The following PIGB variants were observed in gnomAD, a reference collection of about 807,000 sequenced individuals.
PIGB encodes the protein phosphatidylinositol glycan anchor biosynthesis class B.
Under a neutral mutation model 68.4 loss-of-function variants are expected in PIGB, and 58 were observed. The ratio of observed to expected loss-of-function variants is 0.85; its 90% CI spans 0.69 to 1.06. The LOEUF (loss-of-function observed/expected upper bound fraction) is 1.06, where lower values mean the gene tolerates loss of function less well. PIGB is among the 50% of genes least tolerant of loss of function. The pLI, the probability that PIGB is intolerant of heterozygous loss-of-function variation, is 0.00. For synonymous variants in PIGB, 219 were observed against 220.5 expected (o/e 0.99, Z 0.06); for missense variants, 634 against 655.8 (o/e 0.97, Z 0.36).
chr15:55,334,001 C>G lies in PIGB; in HGVS notation c.788C>G (p.Pro263Arg), dbSNP rs75294770. ...GATCTTATTCTACATCATTTTTTAC[C>G]TGTAGGGTAAGTGTGGCAATAATCC... ...KLDLILHHFL[P>R]VGFVTLSLSL... Residue 263 changes from proline to arginine, a missense_variant, in exon 6 of 12, where the codon CCT becomes CGT. Physicochemically the swap from Pro to Arg is moderately radical, Grantham distance 103 (BLOSUM62 -2). Coordinates refer to ENST00000164305, the MANE Select transcript of PIGB (RefSeq NM_004855.5). 1 of 1,596,044 alleles carries G rather than the reference C, an allele frequency of 6.3e-7. No homozygotes were observed. The highest frequency in any genetic ancestry group is 1.3e-5 in the African/African-American group (1 of 74,252).
chr15:55,320,463 T>G, intron 2 of PIGB, 53 bp downstream of exon 2: 1 of 1,556,032 alleles, frequency 6.4e-7, no homozygotes. Context: ...ATCTTGGAAA[T>G]TGTGCTCAGT....
chr15:55,343,086 C>T (rs1259831260), intron 9 of PIGB: 1 of 152,054 alleles, frequency 6.6e-6, no homozygotes, highest in Non-Finnish European at 1.5e-5. Context: ...TACATCAACT[C>T]CTACAGATCT....
chr15:55,335,259 T>C (rs1357168815), intron 6 of PIGB, among the ~76,000 whole-genome samples: 1 of 152,226 alleles, frequency 6.6e-6, no homozygotes, highest in Admixed American at 6.5e-5. Flanking sequence ...AAGCAATGCA[T>C]GACTGTACTA....
intron 6 of PIGB, among the ~76,000 whole-genome samples, 156 bp from the exon 7 acceptor site, chr15:55,339,111 G>C (rs961927478): frequency 2.6e-5 from 4 of 152,062 alleles, no homozygotes; most frequent in African/African-American, 9.7e-5. Context: ...TTTTTCAGTA[G>C]ATACCTTTCA....
intron 5 of PIGB, among the ~76,000 whole-genome samples, chr15:55,330,798 C>T (rs2055396534): frequency 6.6e-6 from 1 of 152,170 alleles, no homozygotes; most frequent in Non-Finnish European, 1.5e-5. Context: ...AGTATCCATT[C>T]TTCCTACACA....
At chr15:55,347,710 A>G (rs2055826127) in intron 9 of PIGB, among the ~76,000 whole-genome samples, 1 of 152,154 alleles carries the variant, frequency 6.6e-6, no homozygotes, top group African/African-American at 2.4e-5. Flanking sequence ...CATTTTCTTT[A>G]TATTACTTCT....
intron 6 of PIGB, among the ~76,000 whole-genome samples, chr15:55,336,157 G>C (rs1365895267): frequency 1.3e-5 from 2 of 152,122 alleles, no homozygotes; most frequent in Non-Finnish European, 2.9e-5. Flanking sequence ...TGTAATCCCA[G>C]TGCCCTGGGA....
At chr15:55,341,331 A>G (rs2055665936) in intron 8 of PIGB, among the ~76,000 whole-genome samples, 1 of 152,256 alleles carries the variant, frequency 6.6e-6, no homozygotes, top group African/African-American at 2.4e-5. Context: ...ACTGCACTCC[A>G]GTCTGGGTGA....
intron 9 of PIGB, chr15:55,346,611 C>A (rs1383444498): frequency 1.3e-5 from 2 of 152,184 alleles, no homozygotes; most frequent in Admixed American, 6.5e-5. Context: ...GGAACCTATA[C>A]TTTAGTCACT....
chr15:55,344,890 C>CTTTTTTTTTTTTT lies in PIGB; in HGVS notation c.1123+3099_1123+3111dup, dbSNP rs1164109873. ...CCACTTTGTTTTTCCATATTCTTAT[C>CTTTTTTTTTTTTT]TTTTTTTTTTTTTTTTTTTTTTTGA... On this transcript the variant is annotated intron_variant, in intron 9 of 11. Coordinates refer to ENST00000164305, the MANE Select transcript of PIGB (RefSeq NM_004855.5). Among the ~76,000 whole-genome samples the CTTTTTTTTTTTTT allele has an allele frequency of 1.1e-4, 11 of 98,906 alleles. 1 individual carries two copies. The highest frequency in any genetic ancestry group is 1.4e-4 in the Non-Finnish European group (7 of 50,678). The allele number at this position is 98,906 out of a possible 152,430, so 64.9% of individuals were successfully genotyped here.
chr15:55,331,600 C>G (rs533490574), intron 5 of PIGB, among the ~76,000 whole-genome samples: 2 of 152,126 alleles, frequency 1.3e-5, no homozygotes, highest in Admixed American at 1.3e-4. Flanking sequence ...ATAATCCCAG[C>G]TACTCGGGAG....
chr15:55,352,167 C>T (rs1317734945), intron 10 of PIGB, among the ~76,000 whole-genome samples: 4 of 151,818 alleles, frequency 2.6e-5, no homozygotes, highest in South Asian at 2.1e-4. Flanking sequence ...AGGCTGATCT[C>T]GAACTCCCGA....
At chr15:55,351,923 A>C (rs1229681231) in intron 10 of PIGB, 1 of 145,592 alleles carries the variant, frequency 6.9e-6, no homozygotes, top group African/African-American at 2.6e-5. Flanking sequence ...TTACTACTGG[A>C]TTATTGCCCT....
At chr15:55,337,621 C>A (rs963735854) in intron 6 of PIGB, among the ~76,000 whole-genome samples, 2 of 152,158 alleles carry the variant, frequency 1.3e-5, no homozygotes, top group Non-Finnish European at 2.9e-5. Flanking sequence ...AGAAACCAGA[C>A]CCTGGTGCCA....
intron 5 of PIGB, among the ~76,000 whole-genome samples, chr15:55,330,211 C>A (rs2055382979): frequency 6.6e-6 from 1 of 152,102 alleles, no homozygotes; most frequent in South Asian, 2.1e-4. Flanking sequence ...TAAGAGAGTG[C>A]CCCAGCAGGG....
chr15:55,330,469 C>G (rs537152827), intron 5 of PIGB, among the ~76,000 whole-genome samples: 1 of 152,148 alleles, frequency 6.6e-6, no homozygotes, highest in Non-Finnish European at 1.5e-5. Flanking sequence ...GAAACAAATA[C>G]CACGCAATGG....
At chr15:55,338,619 C>T (rs1001766292) in intron 6 of PIGB, among the ~76,000 whole-genome samples, 1 of 151,932 alleles carries the variant, frequency 6.6e-6, no homozygotes, top group African/African-American at 2.4e-5. Flanking sequence ...TGCACTCCAG[C>T]CTGGGTGACA....
At chr15:55,333,219 C>T (rs1433752020) in intron 5 of PIGB, among the ~76,000 whole-genome samples, 1 of 152,138 alleles carries the variant, frequency 6.6e-6, no homozygotes, top group African/African-American at 2.4e-5. Context: ...AAGATGAGCA[C>T]TGAAAACGGC....
intron 10 of PIGB, among the ~76,000 whole-genome samples, chr15:55,352,634 A>C (rs1193668269): frequency 6.6e-6 from 1 of 152,160 alleles, no homozygotes; most frequent in East Asian, 1.9e-4. Flanking sequence ...TAAAATACAA[A>C]AAAAATTGGC....
Sources: allele counts gnomAD v4.1 joint callset (sites outside exome capture counted in the v4.1 genomes callset), GRCh38; gene constraint gnomAD v4.1.1; transcripts MANE v1.5; gene names NCBI Gene and HGNC (gene_info 2026-07-23, HGNC 2026-07-21).